Variants in LARGE1 observed in about 807,000 individuals in gnomAD.
LARGE1 encodes the protein LARGE xylosyl- and glucuronyltransferase 1.
In LARGE1, 43 loss-of-function variants were observed where a neutral mutation model predicts 87.6. The observed-to-expected ratio is 0.49, with a 90% CI of 0.38 to 0.63. The LOEUF (loss-of-function observed/expected upper bound fraction) is 0.63, where lower values mean the gene tolerates loss of function less well. Ranked by LOEUF, LARGE1 falls within the 30% of genes least tolerant of loss-of-function variation. The pLI is 0.00. For missense variants in LARGE1, 802 were observed against 1,000.2 expected, an observed-to-expected ratio of 0.80 and a Z score of 2.67; for synonymous variants, 434 against 394.6, an observed-to-expected ratio of 1.10 and a Z score of -1.18.
intron 7 of LARGE1, among the ~76,000 whole-genome samples, chr22:33,429,666 T>C (rs1448675599): frequency 1.3e-5 from 2 of 152,322 alleles, no homozygotes; most frequent in African/African-American, 4.8e-5. Context: ...TTCTATTATA[T>C]ATTTTGGAAG....
rs1044631420 is a variant in LARGE1 at position 33,465,482 on chromosome 22, T to C, written c.788-33217A>G. ...TCCTTCCCAAGTAGAACATATGCCA[T>C]AGATTTCACATATACCAACAAAAAC... On this transcript the variant is annotated intron_variant, in intron 6 of 14. Transcript: ENST00000397394. Among the ~76,000 whole-genome samples the C allele has an allele frequency of 5.3e-5, 8 of 152,286 alleles. No individual in the cohort carries two copies. The South Asian group carries it at 6.2e-4, about 12-fold the overall frequency.
At chr22:33,605,865 C>T (rs1254759801) in intron 4 of LARGE1, among the ~76,000 whole-genome samples, 2 of 152,018 alleles carry the variant, frequency 1.3e-5, no homozygotes, top group Non-Finnish European at 2.9e-5. Context: ...CAAAGTTCCA[C>T]GGGAGTAAGA....
At chr22:33,675,028 C>CA (rs2081526453) in intron 2 of LARGE1, among the ~76,000 whole-genome samples, 2 of 151,888 alleles carry the variant, frequency 1.3e-5, no homozygotes, top group Admixed American at 1.3e-4. Context: ...CGCGGTGACT[C>CA]ATGCCTGTAG....
intron 11 of LARGE1, among the ~76,000 whole-genome samples, chr22:33,204,392 G>A (rs1251953264): frequency 6.6e-5 from 10 of 152,166 alleles, no homozygotes; most frequent in Non-Finnish European, 1.5e-4. Context: ...AACCATCAGA[G>A]AGGATTCCAA....
intron 5 of LARGE1, among the ~76,000 whole-genome samples, chr22:33,580,111 C>T (rs1387061830): frequency 6.6e-6 from 1 of 151,854 alleles, no homozygotes; most frequent in East Asian, 1.9e-4. Flanking sequence ...TGGCTCACGC[C>T]TGTAATTCCA....
chr22:33,881,331 G>A (rs1042924414), intron 1 of LARGE1, among the ~76,000 whole-genome samples: 6 of 152,152 alleles, frequency 3.9e-5, no homozygotes. Flanking sequence ...AAATCCCCCA[G>A]GCGAAGTCAC....
intron 9 of LARGE1, among the ~76,000 whole-genome samples, chr22:33,351,362 G>C (rs539673509): frequency 6.6e-6 from 1 of 152,320 alleles, no homozygotes; most frequent in South Asian, 2.1e-4. Context: ...CTCAAATATT[G>C]AGGTGTTCTG....
chr22:33,531,360 G>C (rs377164489), intron 6 of LARGE1, among the ~76,000 whole-genome samples: 1 of 152,010 alleles, frequency 6.6e-6, no homozygotes. Flanking sequence ...GTTTCACCAC[G>C]TTGGCCAGGC....
intron 6 of LARGE1, among the ~76,000 whole-genome samples, chr22:33,515,268 G>A (rs1602206997): frequency 6.6e-6 from 1 of 152,218 alleles, no homozygotes; most frequent in African/African-American, 2.4e-5. Flanking sequence ...CTAGACTTTC[G>A]CTCCAAATAC....
intron 1 of LARGE1, among the ~76,000 whole-genome samples, chr22:33,850,232 C>T (rs190148730): frequency 5.3e-5 from 8 of 152,198 alleles, no homozygotes; most frequent in Non-Finnish European, 1.0e-4. Context: ...AGCAATAACA[C>T]GGCCTTCAAA....
chr22:33,388,584 T>A (rs1158765026), intron 7 of LARGE1, among the ~76,000 whole-genome samples: 1 of 152,056 alleles, frequency 6.6e-6, no homozygotes, highest in African/African-American at 2.4e-5. Flanking sequence ...TTTATTTTTT[T>A]AGACAGAGTC....
intron 2 of LARGE1, among the ~76,000 whole-genome samples, chr22:33,689,811 C>T (rs1174041761): frequency 6.6e-6 from 1 of 151,930 alleles, no homozygotes; most frequent in Non-Finnish European, 1.5e-5. Flanking sequence ...CCTGTAATCC[C>T]AGCTACTCGG....
intron 10 of LARGE1, among the ~76,000 whole-genome samples, chr22:33,328,859 TTGTGTGGTCTTG>T (rs1937469595): frequency 6.6e-6 from 1 of 151,950 alleles, no homozygotes; most frequent in South Asian, 2.1e-4. Context: ...CACTTAGGAG[TTGTGTGGTCTTG>T]AACAAGTAAA....
At chr22:33,168,614 T>C (rs1922399210) in intron 11 of LARGE1, among the ~76,000 whole-genome samples, 4 of 152,240 alleles carry the variant, frequency 2.6e-5, no homozygotes, top group Admixed American at 1.3e-4. Context: ...TTAACATGCA[T>C]GCCATCTCTT....
chr22:33,678,210 C>G (rs1006040896), intron 2 of LARGE1, among the ~76,000 whole-genome samples: 1 of 152,160 alleles, frequency 6.6e-6, no homozygotes, highest in Non-Finnish European at 1.5e-5. Flanking sequence ...CAATATTATG[C>G]ATGTGGAAAG....
chr22:33,217,970 C>T (rs1229443467), intron 11 of LARGE1, among the ~76,000 whole-genome samples: 1 of 151,946 alleles, frequency 6.6e-6, no homozygotes, highest in East Asian at 1.9e-4. Flanking sequence ...CACTCTGTCG[C>T]CCAGGCTGGA....
chr22:33,275,065 C>T (rs535202714), intron 14 of LARGE1, among the ~76,000 whole-genome samples: 92 of 152,142 alleles, frequency 6.0e-4, no homozygotes, highest in African/African-American at 2.1e-3. Context: ...GGACTTGATG[C>T]GATCTGACAG....
chr22:33,145,579 G>A, the LARGE1 span, among the ~76,000 whole-genome samples: 3 of 152,182 alleles, frequency 2.0e-5, no homozygotes, highest in Admixed American at 6.5e-5. Flanking sequence ...ATATGATGTG[G>A]CCACAGTCTA....
the LARGE1 span, among the ~76,000 whole-genome samples, chr22:33,104,939 CTT>C: frequency 3.5e-5 from 5 of 141,496 alleles, no homozygotes; most frequent in African/African-American, 8.1e-5. Context: ...TTCTTTCTTT[CTT>C]TCTTTCTCTT....
Sources: gnomAD v4.1 joint callset for allele counts (sites outside exome capture counted in the v4.1 genomes callset) on GRCh38, gnomAD v4.1.1 for gene constraint, MANE v1.5 for transcripts, NCBI Gene and HGNC (gene_info 2026-07-23, HGNC 2026-07-21) for gene names.